Variants in QDPR observed in about 807,000 individuals in gnomAD.
The protein encoded by QDPR is quinoid dihydropteridine reductase, also known as dihydropteridine reductase.
Under a neutral mutation model 31.7 loss-of-function variants are expected in QDPR, and 23 were observed. The ratio of observed to expected loss-of-function variants is 0.73; its 90% CI spans 0.52 to 1.03. The LOEUF is 1.03. Ranked by LOEUF, QDPR falls within the 50% of genes least tolerant of loss-of-function variation. QDPR has a pLI of 0.00. For missense variants in QDPR, 324 were observed against 323.8 expected, an observed-to-expected ratio of 1.00 and a Z score of 0.00; for synonymous variants, 124 against 124.7, an observed-to-expected ratio of 0.99 and a Z score of 0.03.
At chr4:17,490,597 G>T in intron 6 of QDPR, 65 bp downstream of exon 6, 2 of 1,365,428 alleles carry the variant, frequency 1.5e-6, no homozygotes, top group South Asian at 1.2e-5. Context: ...TTGTCCTCTG[G>T]ACCACAGCAG....
At position 17,492,327 on chromosome 4, in the gene QDPR, G is replaced by A. The variant is rs140949360; in HGVS notation, c.450C>T (p.Tyr150=). Residue 150 remains tyrosine (Y), a synonymous_variant, in exon 5 of 7, where the codon TAC becomes TAT. Transcript: ENST00000281243. ...GGTGAACAGCACCCTTGGCCATGCC[G>A]TACCCGATCATACCTGGGAAATGGG... ...ALDGTPGMIG[Y]GMAKGAVHQL... is the part of the protein sequence containing the mutation. The A allele has an allele frequency of 6.4e-4, 1,025 of 1,614,098 alleles. 2 individuals carry two copies. Among genetic ancestry groups the A allele is most frequent in the Non-Finnish European group, 7.5e-4 (885 of 1,179,962 alleles).
intron 5 of QDPR, among the ~76,000 whole-genome samples, chr4:17,491,754 T>C (rs1224033548): frequency 6.6e-6 from 1 of 152,146 alleles, no homozygotes; most frequent in African/African-American, 2.4e-5. Context: ...ATTGCTATGG[T>C]CTGAATGTAT....
chr4:17,503,329 G>C (rs1187938780), intron 3 of QDPR, among the ~76,000 whole-genome samples: 1 of 152,138 alleles, frequency 6.6e-6, no homozygotes, highest in African/African-American at 2.4e-5. Flanking sequence ...AACTATAATA[G>C]ACATGGAATA....
intron 4 of QDPR, among the ~76,000 whole-genome samples, chr4:17,493,307 T>C (rs1718232442): frequency 6.6e-6 from 1 of 152,154 alleles, no homozygotes; most frequent in African/African-American, 2.4e-5. Context: ...TGCTGGTACA[T>C]GCCTGTGGTC....
In QDPR at chr4:17,495,414, G is replaced by C. The variant is rs115295655; in HGVS notation, c.437-3074C>G. On this transcript the variant is annotated intron_variant, in intron 4 of 6. Coordinates refer to ENST00000281243, the MANE Select transcript of QDPR (RefSeq NM_000320.3). ...GCACAAGGCAGCTCCCTGGCTCCCA[G>C]GAACGGCACAGCACACCAGAAAGAA... is the stretch of plus-strand genomic sequence containing the variant. 7.7e-3 allele frequency among the ~76,000 whole-genome samples: 1,168 copies of C among 152,272 alleles called. 9 individuals carry two copies. The highest frequency in any genetic ancestry group is 0.026 in the African/African-American group (1,092 of 41,562).
Position 17,487,204 on chromosome 4 carries a change from C to G in QDPR, c.662G>C (p.Arg221Pro), listed in dbSNP as rs1478668973. The G allele has an allele frequency of 6.2e-7, 1 of 1,613,708 alleles. No individual in the cohort carries two copies. Among genetic ancestry groups the G allele is most frequent in the Non-Finnish European group, 8.5e-7 (1 of 1,179,976 alleles). The change falls in exon 7 of 7, where the codon CGA becomes CCA. Residue 221 changes from arginine to proline, a missense_variant. By Grantham distance (103) the Arg-to-Pro change is moderately radical. Coordinates refer to ENST00000281243, the MANE Select transcript of QDPR (RefSeq NM_000320.3). ...CTGGATTAGGCTTCCTGAGCTCGGT[C>G]GGTTTTTCCCTGTGATCCAGTCATG... Reference protein sequence around the residue: ...TFHDWITGKNRPSSGSLIQVV... With the variant: ...TFHDWITGKNPPSSGSLIQVV...
Position 17,486,818 on chromosome 4 carries a change from T to C in QDPR, c.*313A>G. On this transcript the variant is annotated 3_prime_UTR_variant, in exon 7 of 7. Coordinates refer to ENST00000281243, the MANE Select transcript of QDPR (RefSeq NM_000320.3). ...AAAGTAGTCAAGATGACAGCCACTG[T>C]CAAGGACAGATGAACAGTCACAAAA... 2.6e-6 allele frequency: 1 copy of C among 385,048 alleles called. No individual in the cohort carries two copies. The highest frequency in any genetic ancestry group is 4.8e-6 in the Non-Finnish European group (1 of 207,082). 23.9% of individuals were successfully genotyped at this position (385,048 alleles called of 1,614,324 possible).
rs1304469735 is a variant in QDPR, at chr4:17,487,038, CAG to C, written c.*91_*92del. The stretch of plus-strand genomic sequence containing the variant: ...AGGACTCATTATCTCGTACCACAAA[CAG>C]GGGTTACAGAAAACACAAGGCTGGA... On this transcript the variant is annotated 3_prime_UTR_variant, in exon 7 of 7. Transcript: ENST00000281243. 9.3e-6 allele frequency: 9 copies of C among 966,410 alleles called. No individual in the cohort carries two copies. Among genetic ancestry groups the C allele is most frequent in the Non-Finnish European group, 1.3e-5 (8 of 595,350 alleles). The allele number at this position is 966,410 out of a possible 1,614,324, so 59.9% of individuals were successfully genotyped here.
Position 17,496,927 on chromosome 4 carries a change from T to C in QDPR, c.437-4587A>G, listed in dbSNP as rs1718381590. 2.0e-5 allele frequency among the ~76,000 whole-genome samples: 3 copies of C among 152,290 alleles called. No homozygotes were observed. The South Asian group carries it at 6.2e-4, about 32-fold the overall frequency. Reference sequence around the variant, plus strand: ...GACTGCCACAACAGCTGGTTATTTTTGTATTTTTTAGTAGAGATGGGGTTT... The same window carrying C: ...GACTGCCACAACAGCTGGTTATTTTCGTATTTTTTAGTAGAGATGGGGTTT... On this transcript the variant is annotated intron_variant, in intron 4 of 6. Coordinates refer to ENST00000281243, the MANE Select transcript of QDPR (RefSeq NM_000320.3).
At chr4:17,492,012 G>A (rs1718181703) in intron 5 of QDPR, among the ~76,000 whole-genome samples, 1 of 152,216 alleles carries the variant, frequency 6.6e-6, no homozygotes, top group Non-Finnish European at 1.5e-5. Flanking sequence ...AGAACTGTGA[G>A]CAATACATTT....
At chr4:17,504,506 C>G (rs751096038) in intron 2 of QDPR, 31 bp from the exon 3 acceptor site, 2 of 1,560,266 alleles carry the variant, frequency 1.3e-6, no homozygotes, top group African/African-American at 1.4e-5. Flanking sequence ...AATGTATAAA[C>G]TGTAAGGTAA....
intron 4 of QDPR, among the ~76,000 whole-genome samples, chr4:17,501,425 A>T (rs1718556822): frequency 6.6e-6 from 1 of 152,162 alleles, no homozygotes; most frequent in Non-Finnish European, 1.5e-5. Flanking sequence ...TTTATTAATT[A>T]ATTAATATCC....
chr4:17,506,803 G>A (rs1718802492), intron 2 of QDPR, among the ~76,000 whole-genome samples: 1 of 152,130 alleles, frequency 6.6e-6, no homozygotes, highest in South Asian at 2.1e-4. Context: ...AGAAAAATAA[G>A]AACAACAAAA....
rs192127932 is a variant in QDPR, at chr4:17,493,972, C to T, written c.437-1632G>A. On this transcript the variant is annotated intron_variant, in intron 4 of 6. Transcript: ENST00000281243. ...ATAGAGTACTTAATTGTGAGCATAC[C>T]CTTAGCACAGGACAGGCACTCAATG... Among the ~76,000 whole-genome samples the T allele has an allele frequency of 1.1e-3, 162 of 152,118 alleles. 1 individual carries two copies. Among genetic ancestry groups the T allele is most frequent in the Non-Finnish European group, 4.0e-4 (27 of 68,004 alleles).
intron 4 of QDPR, among the ~76,000 whole-genome samples, chr4:17,497,466 A>ACAC (rs1718408010): frequency 6.6e-6 from 1 of 151,668 alleles, no homozygotes; most frequent in African/African-American, 2.4e-5. Context: ...TCTCACACTC[A>ACAC]CACCACCCGC....
At chr4:17,505,751 CAGTT>C (rs2108995203) in intron 2 of QDPR, among the ~76,000 whole-genome samples, 1 of 152,276 alleles carries the variant, frequency 6.6e-6, no homozygotes, top group South Asian at 2.1e-4. Flanking sequence ...AGGAACATTT[CAGTT>C]GATTACCTCT....
chr4:17,498,741 C>G (rs1718451489), intron 4 of QDPR, among the ~76,000 whole-genome samples: 2 of 152,180 alleles, frequency 1.3e-5, no homozygotes, highest in Non-Finnish European at 1.5e-5. Flanking sequence ...GTTTGTCCTA[C>G]AGAAGACAGT....
chr4:17,501,654 T>G (rs1265559580), intron 4 of QDPR, 65 bp downstream of exon 4: 15 of 1,589,628 alleles, frequency 9.4e-6, no homozygotes, highest in Non-Finnish European at 1.2e-5. Flanking sequence ...CCCATGAAAG[T>G]GCCCAGCAGC....
chr4:17,510,056 A>T (rs1349746412), intron 1 of QDPR: 1 of 431,428 alleles, frequency 2.3e-6, no homozygotes, highest in Non-Finnish European at 4.6e-6. Context: ...CAGAGCTGAA[A>T]TGTGAATTTC....
Sources: allele counts gnomAD v4.1 joint callset (sites outside exome capture counted in the v4.1 genomes callset), GRCh38; gene constraint gnomAD v4.1.1; transcripts MANE v1.5; gene names NCBI Gene and HGNC (gene_info 2026-07-23, HGNC 2026-07-21).